The following PDE11A variants were observed in gnomAD, a reference collection of about 807,000 sequenced individuals.
PDE11A encodes the protein phosphodiesterase 11A.
In PDE11A, 100 loss-of-function variants were observed where a neutral mutation model predicts 100.5. The ratio of observed to expected loss-of-function variants is 1.00; its 90% CI spans 0.85 to 1.18. PDE11A has a LOEUF of 1.18. Among genes scored for constraint, PDE11A ranks in the 50% most tolerant of loss-of-function variants. PDE11A has a pLI of 0.00. For missense variants in PDE11A, 1,141 were observed against 1,152.6 expected (o/e 0.99, Z 0.15); for synonymous variants, 381 against 420.8 (o/e 0.91, Z 1.16).
At chr2:177,791,911 T>G (rs1167262702) in intron 9 of PDE11A, among the ~76,000 whole-genome samples, 1 of 152,186 alleles carries the variant, frequency 6.6e-6, no homozygotes, top group Admixed American at 6.5e-5. Context: ...TGAAAGAAAT[T>G]GCCTATTTCT....
chr2:177,913,242 G>T (rs1272528043), intron 2 of PDE11A, among the ~76,000 whole-genome samples: 1 of 151,928 alleles, frequency 6.6e-6, no homozygotes, highest in Non-Finnish European at 1.5e-5. Context: ...ATAATTCTGG[G>T]GTTAAACATC....
chr2:177,861,216 T>A (rs759134578), intron 5 of PDE11A, among the ~76,000 whole-genome samples: 1 of 151,714 alleles, frequency 6.6e-6, no homozygotes, highest in African/African-American at 2.4e-5. Context: ...AAAACTATTA[T>A]AATAAACAAG....
chr2:177,703,563 G>A (rs530091707), intron 13 of PDE11A, among the ~76,000 whole-genome samples: 2 of 152,308 alleles, frequency 1.3e-5, no homozygotes, highest in South Asian at 4.2e-4. Flanking sequence ...ACCACAGGCT[G>A]ATTCCTGTGA....
intron 2 of PDE11A, among the ~76,000 whole-genome samples, chr2:177,956,210 C>T (rs1339989039): frequency 6.6e-6 from 1 of 152,136 alleles, no homozygotes; most frequent in Admixed American, 6.5e-5. Context: ...AACACATTTA[C>T]AAGAAAAAAA....
chr2:177,717,774 A>G (rs1302130372), intron 12 of PDE11A, among the ~76,000 whole-genome samples: 2 of 152,168 alleles, frequency 1.3e-5, no homozygotes, highest in Non-Finnish European at 2.9e-5. Flanking sequence ...ACGGCATATA[A>G]TAACTAGAAC....
intron 2 of PDE11A, among the ~76,000 whole-genome samples, chr2:177,968,112 G>T (rs922457828): frequency 6.6e-6 from 1 of 152,074 alleles, no homozygotes; most frequent in Non-Finnish European, 1.5e-5. Flanking sequence ...TTTATCAGAC[G>T]AGGTGCTAAT....
intron 3 of PDE11A, among the ~76,000 whole-genome samples, chr2:177,900,559 C>T (rs2084679760): frequency 6.6e-6 from 1 of 152,194 alleles, no homozygotes; most frequent in African/African-American, 2.4e-5. Context: ...AGTTCTAGAG[C>T]AGCCTGGGCA....
rs369559305 is a variant in PDE11A, at chr2:177,701,227, G to A, written c.2154-16C>T. 8 of 1,277,504 alleles carry A rather than the reference G, an allele frequency of 6.3e-6. No individual in the cohort carries two copies. The African/African-American group carries it at 7.3e-5, about 12-fold the overall frequency. The allele number at this position is 1,277,504 out of a possible 1,614,324, so 79.1% of individuals were successfully genotyped here. Reference sequence around the variant, plus strand: ...AGAGCCACTCCTGAAAGAGGACAGAGGGTGAGTGAGCAGGGCCTATCGATG... The same window carrying A: ...AGAGCCACTCCTGAAAGAGGACAGAAGGTGAGTGAGCAGGGCCTATCGATG... On this transcript the variant is annotated splice_polypyrimidine_tract_variant and intron_variant, in intron 13 of 19. Coordinates refer to ENST00000286063, the MANE Select transcript of PDE11A (RefSeq NM_016953.4).
At chr2:178,064,885 T>C (rs924618275) in intron 1 of PDE11A, among the ~76,000 whole-genome samples, 5 of 152,094 alleles carry the variant, frequency 3.3e-5, no homozygotes. Flanking sequence ...TCTCCTGAAT[T>C]TGCGACAGCC....
chr2:177,783,067 T>G (rs2082476085), intron 9 of PDE11A, among the ~76,000 whole-genome samples: 1 of 152,216 alleles, frequency 6.6e-6, no homozygotes, highest in African/African-American at 2.4e-5. Context: ...TACTCATATT[T>G]CTGGCTTCTC....
intron 1 of PDE11A, among the ~76,000 whole-genome samples, chr2:178,105,444 G>T (rs1251206718): frequency 2.6e-5 from 4 of 152,096 alleles, no homozygotes; most frequent in Non-Finnish European, 5.9e-5. Flanking sequence ...GGGTGACAGA[G>T]AGAGACTCCC....
chr2:177,765,168 C>T (rs961859964), intron 10 of PDE11A, among the ~76,000 whole-genome samples: 2 of 152,102 alleles, frequency 1.3e-5, no homozygotes, highest in Non-Finnish European at 2.9e-5. Context: ...CAGAACAAAA[C>T]AGAACAACAA....
chr2:177,925,567 C>G (rs553500981), intron 2 of PDE11A, among the ~76,000 whole-genome samples: 1,727 of 152,136 alleles, frequency 0.011, 31 homozygotes, highest in African/African-American at 0.038. Context: ...CCCACTTTTT[C>G]ATGGGGTTGT....
At chr2:177,797,236 A>G (rs2082719394) in intron 9 of PDE11A, 1 of 152,222 alleles carries the variant, frequency 6.6e-6, no homozygotes, top group Admixed American at 6.5e-5. Context: ...CTGATAGGAC[A>G]TTCCTCAAAA....
In PDE11A at chr2:178,072,378, C is replaced by T. The variant is rs147765540; in HGVS notation, c.60G>A (p.Glu20=). Residue 20 remains glutamate (E), a synonymous_variant, in exon 1 of 20, where the codon GAG becomes GAA. Coordinates refer to ENST00000286063, the MANE Select transcript of PDE11A (RefSeq NM_016953.4). ...TCCGCATCAAGTAATCTTCAAACAA[C>T]TCTGGGTGCCTGTCCAGGAAAGTTT... ...EVETFLDRHP[E]LFEDYLMRKG... is the part of the protein sequence containing the mutation. The T allele has an allele frequency of 1.8e-4, 291 of 1,613,790 alleles. No individual in the cohort carries two copies. The highest frequency in any genetic ancestry group is 2.4e-4 in the Non-Finnish European group (283 of 1,180,056).
intron 13 of PDE11A, among the ~76,000 whole-genome samples, chr2:177,702,963 AGAGTTCAT>A (rs1434886300): frequency 2.0e-5 from 3 of 152,170 alleles, no homozygotes; most frequent in African/African-American, 7.2e-5. Flanking sequence ...TGTCTTACAT[AGAGTTCAT>A]TTCTATGAAG....
chr2:178,005,217 C>T (rs990468281), intron 2 of PDE11A, among the ~76,000 whole-genome samples: 1 of 151,924 alleles, frequency 6.6e-6, no homozygotes, highest in Non-Finnish European at 1.5e-5. Flanking sequence ...TTATTTTGAG[C>T]GACAGCTCTG....
chr2:177,963,925 G>C (rs919088668), intron 2 of PDE11A, among the ~76,000 whole-genome samples: 1 of 152,134 alleles, frequency 6.6e-6, no homozygotes, highest in South Asian at 2.1e-4. Context: ...GCCCTCCACT[G>C]AACTGTCATC....
intron 15 of PDE11A, among the ~76,000 whole-genome samples, chr2:177,686,161 G>A (rs1253593886): frequency 6.6e-6 from 1 of 152,184 alleles, no homozygotes. Flanking sequence ...TTCGTGATAA[G>A]TTCTATTTAC....
Sources: gnomAD v4.1 joint callset for allele counts (sites outside exome capture counted in the v4.1 genomes callset) on GRCh38, gnomAD v4.1.1 for gene constraint, MANE v1.5 for transcripts, NCBI Gene and HGNC (gene_info 2026-07-23, HGNC 2026-07-21) for gene names.